Variants in PRKCA observed in about 807,000 individuals in gnomAD.
PRKCA encodes protein kinase C alpha, also known as protein kinase C alpha type.
A neutral mutation model predicts 87.0 loss-of-function variants in PRKCA; 27 were observed. That is an observed-to-expected ratio of 0.31 (90% CI 0.23 to 0.43). The LOEUF (loss-of-function observed/expected upper bound fraction) is 0.43, where lower values mean the gene tolerates loss of function less well. Ranked by LOEUF, PRKCA falls within the 20% of genes least tolerant of loss-of-function variation. PRKCA has a pLI of 1.00. For missense variants in PRKCA, 518 were observed against 852.3 expected, an observed-to-expected ratio of 0.61 and a Z score of 4.88; for synonymous variants, 329 against 311.1, an observed-to-expected ratio of 1.06 and a Z score of -0.61.
chr17:66,303,261 G>T (rs1472897270), intron 1 of PRKCA, among the ~76,000 whole-genome samples: 1 of 151,940 alleles, frequency 6.6e-6, no homozygotes, highest in Non-Finnish European at 1.5e-5. Flanking sequence ...GGCTGGCCCC[G>T]TACGGTGGCG....
intron 8 of PRKCA, among the ~76,000 whole-genome samples, chr17:66,696,949 C>T (rs1024374372): frequency 6.6e-6 from 1 of 152,172 alleles, no homozygotes; most frequent in African/African-American, 2.4e-5. Context: ...GTTGCTAATG[C>T]CACCTTGGCC....
intron 2 of PRKCA, among the ~76,000 whole-genome samples, chr17:66,342,759 AG>A (rs1306464460): frequency 6.6e-6 from 1 of 152,208 alleles, no homozygotes; most frequent in Non-Finnish European, 1.5e-5. Flanking sequence ...AAATTGCTTC[AG>A]CTTTTTAAAT....
At chr17:66,397,437 T>A (rs9909641) in intron 2 of PRKCA, among the ~76,000 whole-genome samples, 148,713 of 152,116 alleles carry the variant, frequency 0.98, 72,720 homozygotes, top group East Asian at 1. Flanking sequence ...TATTAATTTG[T>A]TAGATGGTGG....
rs79535732 is a variant in PRKCA, at chr17:66,697,082, G to A, written c.918+8035G>A. ...ACCTCGCCTGTCTCCTCAGAGAGTC[G>A]AGAAAGCCTTGGAAATTCTTCGACC... On this transcript the variant is annotated intron_variant, in intron 8 of 16. Transcript: ENST00000413366. Among the ~76,000 whole-genome samples the A allele has an allele frequency of 2.7e-4, 41 of 152,296 alleles. No homozygotes were observed. In the East Asian group the frequency reaches 5.0e-3, roughly 19 times the overall value.
rs994329848 is a variant in PRKCA at position 66,806,830 on chromosome 17, C to T, written c.*2793C>T. ...CCGACAGGGGTGCCCAGCACACTGC[C>T]TGAGGGACAACAGACATCAGAACAA... is the stretch of plus-strand genomic sequence containing the variant. On this transcript the variant is annotated 3_prime_UTR_variant, in exon 17 of 17. Coordinates refer to ENST00000413366, the MANE Select transcript of PRKCA (RefSeq NM_002737.3). The T allele has an allele frequency of 2.6e-5, 4 of 152,298 alleles. No individual in the cohort carries two copies. The highest frequency in any genetic ancestry group is 9.6e-5 in the African/African-American group (4 of 41,456). The allele number at this position is 152,298 out of a possible 1,614,324, so 9.4% of individuals were successfully genotyped here.
chr17:66,332,230 T>TTC (rs1598596864), intron 2 of PRKCA, among the ~76,000 whole-genome samples: 11,166 of 97,978 alleles, frequency 0.11, 390 homozygotes, highest in South Asian at 0.23. Flanking sequence ...TCCTTCCTTC[T>TTC]TTTTTTTTTT....
intron 3 of PRKCA, among the ~76,000 whole-genome samples, chr17:66,511,115 C>T (rs57318201): frequency 0.11 from 16,227 of 152,088 alleles, 2,727 homozygotes; most frequent in African/African-American, 0.36. Flanking sequence ...GAAAGCAGTA[C>T]GCCTATTGCT....
chr17:66,412,977 C>T (rs1051819323), intron 2 of PRKCA, among the ~76,000 whole-genome samples: 3 of 152,144 alleles, frequency 2.0e-5, no homozygotes, highest in African/African-American at 7.2e-5. Context: ...GGAGATTCTG[C>T]ACCCCCCACA....
chr17:66,690,151 G>C (rs922297112), intron 8 of PRKCA, among the ~76,000 whole-genome samples: 1 of 152,224 alleles, frequency 6.6e-6, no homozygotes, highest in African/African-American at 2.4e-5. Flanking sequence ...AATCCCAAAG[G>C]ATGTAAAACA....
At chr17:66,495,119 T>A (rs1356261648) in intron 2 of PRKCA, among the ~76,000 whole-genome samples, 4 of 140,400 alleles carry the variant, frequency 2.8e-5, no homozygotes, top group Admixed American at 2.1e-4. Context: ...AAAAAAAAAC[T>A]CTTAGGGGAT....
intron 3 of PRKCA, among the ~76,000 whole-genome samples, chr17:66,548,768 C>T (rs1000178310): frequency 2.0e-5 from 3 of 151,196 alleles, no homozygotes; most frequent in African/African-American, 7.3e-5. Context: ...GAGGTGGGAG[C>T]TGGATTCCCT....
intron 14 of PRKCA, among the ~76,000 whole-genome samples, chr17:66,781,624 T>C (rs1158897906): frequency 2.6e-5 from 4 of 152,048 alleles, no homozygotes; most frequent in African/African-American, 7.3e-5. Flanking sequence ...TCACCCCACT[T>C]ACATGAGATG....
In PRKCA at chr17:66,645,520, T is replaced by G. The variant is rs1391243574; in HGVS notation, c.529+9T>G. 6.2e-7 allele frequency: 1 copy of G among 1,614,004 alleles called. No individual in the cohort carries two copies. The highest frequency in any genetic ancestry group is 8.5e-7 in the Non-Finnish European group (1 of 1,179,994). On this transcript the variant is annotated intron_variant, in intron 5 of 16. Coordinates refer to ENST00000413366, the MANE Select transcript of PRKCA (RefSeq NM_002737.3). Reference sequence around the variant, plus strand: ...AAAGCTCCATGTCACAGGTAAGGCTTGCTCATCCCGGAGCAGCATCGTGGG... The same window carrying G: ...AAAGCTCCATGTCACAGGTAAGGCTGGCTCATCCCGGAGCAGCATCGTGGG...
chr17:66,580,421 GC>G (rs915962435), intron 3 of PRKCA, among the ~76,000 whole-genome samples: 2 of 152,160 alleles, frequency 1.3e-5, no homozygotes, highest in Admixed American at 6.5e-5. Flanking sequence ...GGCACTGGGG[GC>G]TGGCTGGGAT....
In PRKCA at chr17:66,689,110, G is replaced by A. The variant is rs1235772297; in HGVS notation, c.918+63G>A. On this transcript the variant is annotated intron_variant, in intron 8 of 16. Coordinates refer to ENST00000413366, the MANE Select transcript of PRKCA (RefSeq NM_002737.3). The surrounding 1 kb of genome is among the most constrained non-coding windows in gnomAD (Gnocchi z 4.1). ...AGAAAGCCCAACTTCAGGAACGGCC[G>A]AGATGTTGTGGTCACATTTTTGAAA... 2.0e-5 allele frequency: 21 copies of A among 1,047,922 alleles called. No homozygotes were observed. Among genetic ancestry groups the A allele is most frequent in the South Asian group, 9.3e-5 (6 of 64,380 alleles). The allele number at this position is 1,047,922 out of a possible 1,614,324, so 64.9% of individuals were successfully genotyped here.
intron 3 of PRKCA, among the ~76,000 whole-genome samples, chr17:66,615,036 A>T (rs532767912): frequency 2.0e-5 from 3 of 152,180 alleles, no homozygotes; most frequent in Non-Finnish European, 4.4e-5. Flanking sequence ...CTGTTGTACC[A>T]TACAAGCCCA....
chr17:66,662,446 C>T (rs556084281), intron 5 of PRKCA, among the ~76,000 whole-genome samples: 13 of 152,230 alleles, frequency 8.5e-5, no homozygotes, highest in South Asian at 2.1e-4. Flanking sequence ...TTGAGACATC[C>T]GTGGTTTGGG....
intron 3 of PRKCA, among the ~76,000 whole-genome samples, chr17:66,556,088 T>C (rs1025122620): frequency 3.3e-5 from 5 of 152,148 alleles, no homozygotes; most frequent in African/African-American, 1.2e-4. Flanking sequence ...GACTCCTCCC[T>C]GGGACTGGAG....
chr17:66,390,376 A>C (rs1910294871), intron 2 of PRKCA, among the ~76,000 whole-genome samples: 1 of 152,210 alleles, frequency 6.6e-6, no homozygotes, highest in African/African-American at 2.4e-5. Context: ...TTGAGAAGAA[A>C]AATATATTCC....
Sources: gnomAD v4.1 joint callset for allele counts (sites outside exome capture counted in the v4.1 genomes callset) on GRCh38, gnomAD v4.1.1 for gene constraint, Gnocchi (gnomAD v3.1) non-coding constraint, MANE v1.5 for transcripts, NCBI Gene and HGNC (gene_info 2026-07-23, HGNC 2026-07-21) for gene names.